MCC: variants seen among roughly 807,000 people sequenced by gnomAD.
MCC encodes the protein MCC regulator of Wnt signaling pathway.
MCC carries 90 observed loss-of-function variants against 116.2 expected under a neutral mutation model. That is an observed-to-expected ratio of 0.77 (90% CI 0.65 to 0.92). The LOEUF is 0.92. MCC is among the 40% of genes least tolerant of loss of function. The pLI is 0.00. For synonymous variants in MCC, 578 were observed against 510.5 expected (o/e 1.13, Z -1.78); for missense variants, 1,516 against 1,312.2 (o/e 1.16, Z -2.40).
chr5:113,294,473 C>G (rs1302668159), intron 3 of MCC: 1 of 1,599,874 alleles, frequency 6.3e-7, no homozygotes, highest in Non-Finnish European at 8.5e-7. Flanking sequence ...ACTGCTTGGT[C>G]CCTTCTGCCA....
chr5:113,245,789 A>G (rs1764551631), intron 3 of MCC, among the ~76,000 whole-genome samples: 2 of 152,174 alleles, frequency 1.3e-5, no homozygotes, highest in African/African-American at 4.8e-5. Context: ...TCCTAGCCAT[A>G]AAGAACTCAT....
chr5:113,184,385 G>A (rs1474336775), intron 3 of MCC, among the ~76,000 whole-genome samples: 3 of 151,676 alleles, frequency 2.0e-5, no homozygotes, highest in African/African-American at 7.3e-5. Flanking sequence ...GATGCTGGAA[G>A]AAAAATTAGA....
rs148075151 is a variant in MCC, at chr5:113,047,282, G to A, written c.2655+1811C>T. Among the ~76,000 whole-genome samples, 1,212 of 152,290 alleles carry A rather than the reference G, an allele frequency of 8.0e-3. 9 individuals are homozygous for A. The highest frequency in any genetic ancestry group is 0.014 in the Middle Eastern group (4 of 294). Reference sequence around the variant, plus strand: ...TAAATTCCTAGAGGACAGACTGCCTGTCTACCACAGAGCTGCCTCTAGCAC... The same window carrying A: ...TAAATTCCTAGAGGACAGACTGCCTATCTACCACAGAGCTGCCTCTAGCAC... On this transcript the variant is annotated intron_variant, in intron 16 of 18. Coordinates refer to ENST00000408903, the MANE Select transcript of MCC (RefSeq NM_001085377.2).
intron 3 of MCC, among the ~76,000 whole-genome samples, chr5:113,299,680 A>C (rs2150364317): frequency 6.6e-6 from 1 of 152,364 alleles, no homozygotes; most frequent in South Asian, 2.1e-4. Context: ...ACATGACTAC[A>C]AATCCTGTTA....
intron 15 of MCC, among the ~76,000 whole-genome samples, chr5:113,053,037 G>A (rs564940950): frequency 6.6e-6 from 1 of 152,312 alleles, no homozygotes; most frequent in African/African-American, 2.4e-5. Context: ...TGAAGGGCTG[G>A]TGCCTGGCAT....
chr5:113,389,034 A>G (rs192549733), intron 1 of MCC, among the ~76,000 whole-genome samples: 2 of 152,376 alleles, frequency 1.3e-5, no homozygotes, highest in Admixed American at 6.5e-5. Flanking sequence ...ATATCAAACC[A>G]GAAAATTACA....
chr5:113,037,526 C>A (rs1034434364), intron 17 of MCC, among the ~76,000 whole-genome samples: 2 of 152,132 alleles, frequency 1.3e-5, no homozygotes, highest in Non-Finnish European at 2.9e-5. Context: ...AATCCTGTCT[C>A]TACTAAAAAT....
chr5:113,270,838 A>G (rs1248168550), intron 3 of MCC, among the ~76,000 whole-genome samples: 2 of 151,744 alleles, frequency 1.3e-5, no homozygotes, highest in Admixed American at 6.6e-5. Flanking sequence ...CACACTACCA[A>G]CACTGGTGCT....
At chr5:113,199,364 T>C (rs929883910) in intron 3 of MCC, among the ~76,000 whole-genome samples, 1 of 151,962 alleles carries the variant, frequency 6.6e-6, no homozygotes, top group Non-Finnish European at 1.5e-5. Flanking sequence ...AGAAACCACA[T>C]GTAGTAAGCT....
chr5:113,341,991 C>A lies in MCC; in HGVS notation c.416-1261G>T, dbSNP rs925053928. ...TGTAGTCTTTTATCCCTCACCCCCC[C>A]ACTCACACTTTCCCCCAAGTCCCCA... On this transcript the variant is annotated intron_variant, in intron 2 of 18. Transcript: ENST00000408903. Among the ~76,000 whole-genome samples, 3 of 150,694 alleles carry A rather than the reference C, an allele frequency of 2.0e-5. No individual in the cohort carries two copies. The East Asian group carries it at 5.9e-4, about 30-fold the overall frequency.
At chr5:113,200,657 G>A (rs575403235) in intron 3 of MCC, among the ~76,000 whole-genome samples, 4 of 152,208 alleles carry the variant, frequency 2.6e-5, no homozygotes, top group East Asian at 1.9e-4. Context: ...TGGAAATGTC[G>A]GATACAACTT....
chr5:113,260,169 T>C (rs977321523), intron 3 of MCC, among the ~76,000 whole-genome samples: 9 of 152,192 alleles, frequency 5.9e-5, no homozygotes, highest in African/African-American at 2.2e-4. Flanking sequence ...ACCCTTAAAT[T>C]ACCAAGGACC....
intron 6 of MCC, among the ~76,000 whole-genome samples, chr5:113,117,191 C>T (rs1757446040): frequency 6.6e-6 from 1 of 152,230 alleles, no homozygotes; most frequent in South Asian, 2.1e-4. Flanking sequence ...CCGACCCTCT[C>T]TCCTCACTCT....
intron 3 of MCC, among the ~76,000 whole-genome samples, chr5:113,172,452 GCTGAAAACT>G (rs1433572803): frequency 3.4e-5 from 5 of 147,456 alleles, no homozygotes; most frequent in African/African-American, 1.2e-4. Flanking sequence ...TAGCTTTACA[GCTGAAAACT>G]CTACTCTGCC....
At chr5:113,383,724 A>T (rs1280698317) in intron 2 of MCC, among the ~76,000 whole-genome samples, 1 of 152,142 alleles carries the variant, frequency 6.6e-6, no homozygotes, top group African/African-American at 2.4e-5. Flanking sequence ...ATTTCTACAT[A>T]TTATGTTAAG....
chr5:113,385,002 A>C lies in MCC; in HGVS notation c.381T>G (p.Ile127Met). ...TGTCACTGCTCGTGGGCCAGGAAGC[A>C]ATTCTATCCCTCAGCTTCTTTGTAC... is the stretch of plus-strand genomic sequence containing the variant. ...NSCTKKLRDR[I>M]ASWPTSSDNS... The change falls in exon 2 of 19, where the codon ATT becomes ATG. Residue 127 changes from isoleucine (I) to methionine (M), a missense_variant. By Grantham distance (10) the Ile-to-Met change is conservative (BLOSUM62 1). Coordinates refer to ENST00000408903, the MANE Select transcript of MCC (RefSeq NM_001085377.2). The C allele has an allele frequency of 6.2e-7, 1 of 1,614,232 alleles. No homozygotes were observed. Among genetic ancestry groups the C allele is most frequent in the Admixed American group, 1.7e-5 (1 of 60,034 alleles).
At chr5:113,411,399 T>G (rs1769986990) in intron 1 of MCC, among the ~76,000 whole-genome samples, 1 of 152,234 alleles carries the variant, frequency 6.6e-6, no homozygotes, top group Admixed American at 6.5e-5. Flanking sequence ...GCTGCATACA[T>G]GTCTTCTTTT....
chr5:113,257,630 G>C (rs1035508846), intron 3 of MCC, among the ~76,000 whole-genome samples: 3 of 152,146 alleles, frequency 2.0e-5, no homozygotes, highest in African/African-American at 7.2e-5. Context: ...CCTTCAGAAA[G>C]GCTGGCAATA....
intron 6 of MCC, among the ~76,000 whole-genome samples, chr5:113,119,098 C>T (rs767034250): frequency 7.9e-5 from 12 of 152,228 alleles, no homozygotes; most frequent in Non-Finnish European, 1.8e-4. Context: ...CAACTGTGAG[C>T]TTTGGGATGG....
Sources: allele counts gnomAD v4.1 joint callset (sites outside exome capture counted in the v4.1 genomes callset), GRCh38; gene constraint gnomAD v4.1.1; transcripts MANE v1.5; gene names NCBI Gene and HGNC (gene_info 2026-07-23, HGNC 2026-07-21).